Variants in VRK1 observed in about 807,000 individuals in gnomAD.
The protein encoded by VRK1 is serine/threonine-protein kinase VRK1.
A neutral mutation model predicts 57.1 loss-of-function variants in VRK1; 33 were observed. The observed-to-expected ratio is 0.58, with a 90% CI of 0.44 to 0.77. The LOEUF (loss-of-function observed/expected upper bound fraction) is 0.77, where lower values mean the gene tolerates loss of function less well. Among genes scored for constraint, VRK1 ranks in the 30% least tolerant of loss-of-function variants. VRK1 has a pLI of 0.00. For synonymous variants in VRK1, 137 were observed against 147.8 expected (o/e 0.93, Z 0.53); for missense variants, 413 against 477.3 (o/e 0.87, Z 1.25).
chr14:96,869,639 C>T (rs1183231891), intron 11 of VRK1, among the ~76,000 whole-genome samples: 1 of 152,048 alleles, frequency 6.6e-6, no homozygotes, highest in Non-Finnish European at 1.5e-5. Flanking sequence ...TAGCTCCATA[C>T]CTTTTAAGAA....
intron 12 of VRK1, among the ~76,000 whole-genome samples, chr14:96,878,871 T>C (rs1322828650): frequency 6.6e-6 from 1 of 152,186 alleles, no homozygotes; most frequent in Non-Finnish European, 1.5e-5. Context: ...ATCATGCCAG[T>C]ATTTCAGAAT....
chr14:96,845,812 T>C lies in VRK1; in HGVS notation c.217-283T>C, dbSNP rs141385637. Among the ~76,000 whole-genome samples the C allele has an allele frequency of 8.1e-4, 124 of 152,314 alleles. 1 individual carries two copies. Among genetic ancestry groups the C allele is most frequent in the African/African-American group, 2.9e-3 (119 of 41,564 alleles). Reference sequence around the variant, plus strand: ...AGGGAAAGCTTAATAAAGATGAAAATTAGTTTAAACATTTTTCTTAAACTT... The same window carrying C: ...AGGGAAAGCTTAATAAAGATGAAAACTAGTTTAAACATTTTTCTTAAACTT... On this transcript the variant is annotated intron_variant, in intron 3 of 12. Coordinates refer to ENST00000216639, the MANE Select transcript of VRK1 (RefSeq NM_003384.3).
intron 1 of VRK1, among the ~76,000 whole-genome samples, chr14:96,832,016 G>A (rs1887023332): frequency 6.6e-6 from 1 of 151,866 alleles, no homozygotes; most frequent in Non-Finnish European, 1.5e-5. Context: ...TAATTGACAT[G>A]AAGAAATAAG....
intron 3 of VRK1, among the ~76,000 whole-genome samples, chr14:96,838,881 T>A (rs1039414405): frequency 6.6e-6 from 1 of 151,344 alleles, no homozygotes; most frequent in African/African-American, 2.4e-5. Flanking sequence ...TAAACTTTTT[T>A]AAAAAAATTG....
chr14:96,828,510 T>C (rs186712275), intron 1 of VRK1, among the ~76,000 whole-genome samples: 249 of 152,312 alleles, frequency 1.6e-3, no homozygotes, highest in African/African-American at 5.7e-3. Context: ...AACAGATAAA[T>C]GTAGCAGAAA....
intron 1 of VRK1, among the ~76,000 whole-genome samples, chr14:96,802,640 G>T (rs1399042295): frequency 6.6e-6 from 1 of 152,194 alleles, no homozygotes; most frequent in Non-Finnish European, 1.5e-5. Flanking sequence ...TTATGGTGAT[G>T]GTTACATGAA....
At chr14:96,856,311 A>T in intron 9 of VRK1, 61 bp downstream of exon 9, 1 of 1,584,220 alleles carries the variant, frequency 6.3e-7, no homozygotes, top group Non-Finnish European at 8.6e-7. Context: ...TTTTAGTCAC[A>T]ATTTCTTGAT....
chr14:96,814,009 C>G (rs1235047215), intron 1 of VRK1, among the ~76,000 whole-genome samples: 2 of 152,072 alleles, frequency 1.3e-5, no homozygotes, highest in African/African-American at 4.8e-5. Context: ...CAGCATATAG[C>G]TTGCCATATA....
chr14:96,848,927 A>G (rs1228417579), intron 5 of VRK1, among the ~76,000 whole-genome samples: 5 of 152,334 alleles, frequency 3.3e-5, no homozygotes, highest in Non-Finnish European at 7.4e-5. Flanking sequence ...GAGGCAGAAC[A>G]GCATCTTAAG....
chr14:96,797,595 C>T (rs1751886291), intron 1 of VRK1, 148 bp downstream of exon 1: 1 of 151,986 alleles, frequency 6.6e-6, no homozygotes, highest in Non-Finnish European at 1.5e-5. Context: ...GCCTCGGTCG[C>T]CCCGCGGGAC....
Position 96,820,096 on chromosome 14 carries a change from G to A in VRK1, c.-5-13371G>A, listed in dbSNP as rs553845305. ...GTTTGGCTTTGGAAAGTGCTTTGGAGCTTCTTCTCAGTCCAACCACTAAGC... is the reference window on the plus strand; with the variant it reads ...GTTTGGCTTTGGAAAGTGCTTTGGAACTTCTTCTCAGTCCAACCACTAAGC... On this transcript the variant is annotated intron_variant, in intron 1 of 12. Transcript: ENST00000216639. 1.4e-4 allele frequency among the ~76,000 whole-genome samples: 21 copies of A among 152,064 alleles called. 1 individual carries two copies. The highest frequency in any genetic ancestry group is 2.4e-4 in the Non-Finnish European group (16 of 68,008).
intron 3 of VRK1, among the ~76,000 whole-genome samples, chr14:96,839,862 G>C (rs1887382869): frequency 6.6e-6 from 1 of 152,018 alleles, no homozygotes; most frequent in African/African-American, 2.4e-5. Context: ...ATGAATCACA[G>C]GGTTTTTCTC....
At chr14:96,879,655 G>A (rs941548020) in intron 12 of VRK1, among the ~76,000 whole-genome samples, 4 of 152,178 alleles carry the variant, frequency 2.6e-5, no homozygotes, top group South Asian at 2.1e-4. Context: ...TAGGCCGGGC[G>A]CAGTGGCTCA....
chr14:96,839,474 A>C (rs528173074), intron 3 of VRK1, among the ~76,000 whole-genome samples: 53 of 148,140 alleles, frequency 3.6e-4, no homozygotes, highest in African/African-American at 1.4e-3. Context: ...ATAATATATG[A>C]CAGTTCTGTT....
At chr14:96,865,269 T>C (rs1566715904) in intron 11 of VRK1, among the ~76,000 whole-genome samples, 2 of 152,206 alleles carry the variant, frequency 1.3e-5, no homozygotes, top group African/African-American at 4.8e-5. Flanking sequence ...TTTCCTTCTT[T>C]TGGATATCTA....
chr14:96,799,372 A>G (rs778477166), intron 1 of VRK1, among the ~76,000 whole-genome samples: 27 of 152,182 alleles, frequency 1.8e-4, no homozygotes, highest in Non-Finnish European at 3.5e-4. Flanking sequence ...TAATAAATAT[A>G]TAAGTGAAAT....
At chr14:96,857,663 G>A (rs1888220217) in intron 10 of VRK1, among the ~76,000 whole-genome samples, 1 of 152,184 alleles carries the variant, frequency 6.6e-6, no homozygotes. Context: ...AAGAGAAGTA[G>A]CAGCCAAAGA....
chr14:96,845,354 G>T (rs1476730816), intron 3 of VRK1, among the ~76,000 whole-genome samples: 1 of 151,960 alleles, frequency 6.6e-6, no homozygotes, highest in Admixed American at 6.5e-5. Flanking sequence ...ATTTAACAAG[G>T]CAAAACTGCT....
At chr14:96,821,386 A>G (rs1011795483) in intron 1 of VRK1, among the ~76,000 whole-genome samples, 1 of 152,086 alleles carries the variant, frequency 6.6e-6, no homozygotes, top group East Asian at 1.9e-4. Context: ...AATTGTTTCT[A>G]CTTGGCACTG....
Sources: allele counts gnomAD v4.1 joint callset (sites outside exome capture counted in the v4.1 genomes callset), GRCh38; gene constraint gnomAD v4.1.1; transcripts MANE v1.5; gene names NCBI Gene and HGNC (gene_info 2026-07-23, HGNC 2026-07-21).